The following LIG4 variants were observed in gnomAD, a reference collection of about 807,000 sequenced individuals.
The protein encoded by LIG4 is DNA joinase.
In LIG4, 13 loss-of-function variants were observed where a neutral mutation model predicts 19.0. The ratio of observed to expected loss-of-function variants is 0.68; its 90% CI spans 0.44 to 1.09. The LOEUF is 1.09. LIG4 is among the 50% of genes least tolerant of loss of function. LIG4 has a pLI of 0.00. For synonymous variants in LIG4, 361 were observed against 358.2 expected (o/e 1.01, Z -0.09); for missense variants, 1,026 against 1,089.7 (o/e 0.94, Z 0.82).
At chr13:108,215,604 A>T (rs1879238151), upstream of LIG4, 1 of 150,970 alleles carries the variant, frequency 6.6e-6, no homozygotes, top group African/African-American at 2.4e-5. Flanking sequence ...CACCGGGCTC[A>T]AGCACGCCGG....
chr13:108,209,069 T>G lies in LIG4; in HGVS notation c.2200A>C (p.Ser734Arg). ...AWLLECFKTKSFVPWQPRFMI... is the reference protein window; with the variant it reads ...AWLLECFKTKRFVPWQPRFMI... Reference sequence around the variant, plus strand: ...AAGCGAGGCTGCCATGGTACAAAGCTTTTGGTCTTAAAACATTCTAAAAGC... The same window carrying G: ...AAGCGAGGCTGCCATGGTACAAAGCGTTTGGTCTTAAAACATTCTAAAAGC... The change falls in exon 3 of 3, where the codon AGC becomes CGC. Residue 734 changes from serine (S) to arginine (R), a missense_variant. Ser to Arg is a moderately radical substitution (Grantham distance 110). Transcript: ENST00000442234. 1.2e-6 allele frequency: 2 copies of G among 1,614,184 alleles called. No individual in the cohort carries two copies. Among genetic ancestry groups the G allele is most frequent in the South Asian group, 2.2e-5 (2 of 91,086 alleles).
Position 108,208,808 on chromosome 13 carries a change from C to G in LIG4, c.2461G>C (p.Asp821His). 6.2e-7 allele frequency: 1 copy of G among 1,614,084 alleles called. No individual in the cohort carries two copies. Among genetic ancestry groups the G allele is most frequent in the South Asian group, 1.1e-5 (1 of 91,074 alleles). ...AGGTCATTAATAACAGCATACGAGT[C>G]CAAATAAACGGTGTGGCGTCGAAAC... ...SMFRRHTVYLDSYAVINDLST... is the reference protein window; with the variant it reads ...SMFRRHTVYLHSYAVINDLST... Residue 821 changes from aspartate to histidine, a missense_variant, in exon 3 of 3, where the codon GAC becomes CAC. Coordinates refer to ENST00000442234, the MANE Select transcript of LIG4 (RefSeq NM_206937.2).
At chr13:108,216,733 T>C (rs1458795511), upstream of LIG4, among the ~76,000 whole-genome samples, 1 of 152,216 alleles carries the variant, frequency 6.6e-6, no homozygotes, top group African/African-American at 2.4e-5. Context: ...CCTATCCGTG[T>C]ACATTTGTAG....
Position 108,210,123 on chromosome 13 carries a change from C to A in LIG4, c.1146G>T (p.Leu382=). Residue 382 remains leucine (L), a synonymous_variant, in exon 3 of 3, where the codon CTG becomes CTT. Coordinates refer to ENST00000442234, the MANE Select transcript of LIG4 (RefSeq NM_206937.2). ...TACTAAGAATCTCATACCTCTTTCTCAGAGTCTCATGCCCTAGCTTTTTAT... is the reference window on the plus strand; with the variant it reads ...TACTAAGAATCTCATACCTCTTTCTAAGAGTCTCATGCCCTAGCTTTTTAT... ...VNNKKLGHET[L]RKRYEILSSI... is the part of the protein sequence containing the mutation. 6.2e-7 allele frequency: 1 copy of A among 1,613,738 alleles called. No homozygotes were observed. Among genetic ancestry groups the A allele is most frequent in the Middle Eastern group, 1.6e-4 (1 of 6,062 alleles).
Position 108,207,449 on chromosome 13 carries a change from A to C in LIG4, c.*1084T>G, listed in dbSNP as rs1009284397. 1 of 152,104 alleles carries C rather than the reference A, an allele frequency of 6.6e-6. No individual in the cohort carries two copies. The highest frequency in any genetic ancestry group is 1.5e-5 in the Non-Finnish European group (1 of 68,014). 9.4% of individuals were successfully genotyped at this position (152,104 alleles called of 1,614,324 possible). On this transcript the variant is annotated 3_prime_UTR_variant, in exon 3 of 3. Coordinates refer to ENST00000442234, the MANE Select transcript of LIG4 (RefSeq NM_206937.2). ...ATAGAACATAAGAAATTATTTTAATAGTGCATTAAATATTTTATTTAAATT... is the reference window on the plus strand; with the variant it reads ...ATAGAACATAAGAAATTATTTTAATCGTGCATTAAATATTTTATTTAAATT...
rs1012812470 is a variant in LIG4, at chr13:108,210,410, C to T, written c.859G>A (p.Val287Ile). 2 of 1,613,594 alleles carry T rather than the reference C, an allele frequency of 1.2e-6. No individual in the cohort carries two copies. The highest frequency in any genetic ancestry group is 3.3e-5 in the Admixed American group (2 of 60,016). Reference protein sequence around the residue: ...ERMQMHKDGDVYKYFSRNGYN... With the variant: ...ERMQMHKDGDIYKYFSRNGYN... ...CCATTTCGAGAGAAGTATTTATATA[C>T]ATCTCCATCTTTGTGCATTTGCATA... Residue 287 changes from valine to isoleucine, a missense_variant, in exon 3 of 3, where the codon GTA becomes ATA. By Grantham distance (29) the Val-to-Ile change is conservative. Transcript: ENST00000442234.
intron 2 of LIG4, among the ~76,000 whole-genome samples, chr13:108,212,415 T>C (rs186027474): frequency 5.3e-4 from 81 of 152,274 alleles, no homozygotes; most frequent in African/African-American, 1.9e-3. Flanking sequence ...GTTTTAAATA[T>C]TCATACAAGT....
At chr13:108,213,761 A>G (rs1393363771) in intron 2 of LIG4, among the ~76,000 whole-genome samples, 1 of 152,236 alleles carries the variant, frequency 6.6e-6, no homozygotes, top group Admixed American at 6.5e-5. Context: ...ATACTGGGCA[A>G]TTACTTAATT....
chr13:108,211,194 T>C lies in LIG4; in HGVS notation c.75A>G (p.Arg25=). The C allele has an allele frequency of 6.2e-7, 1 of 1,613,506 alleles. No homozygotes were observed. Residue 25 remains arginine (R), a synonymous_variant, in exon 3 of 3, where the codon CGA becomes CGG. Coordinates refer to ENST00000442234, the MANE Select transcript of LIG4 (RefSeq NM_206937.2). The part of the protein sequence containing the change: ...PFADLCSTLE[R]IQKSKGRAEK... The stretch of plus-strand genomic sequence containing the variant: ...CTGCACGTCCTTTACTTTTCTGTAT[T>C]CGTTCTAAAGTTGAACACAAATCTG...
chr13:108,214,072 T>C (rs1390940344), intron 2 of LIG4, among the ~76,000 whole-genome samples: 1 of 152,186 alleles, frequency 6.6e-6, no homozygotes, highest in African/African-American at 2.4e-5. Context: ...TCTGACTAAA[T>C]TGTCCTGAAG....
intron 2 of LIG4, among the ~76,000 whole-genome samples, chr13:108,213,657 TAAG>T (rs931215065): frequency 3.9e-5 from 6 of 152,246 alleles, no homozygotes; most frequent in African/African-American, 1.4e-4. Flanking sequence ...CCATTTGCAG[TAAG>T]ACAAATGAGG....
upstream of LIG4, among the ~76,000 whole-genome samples, chr13:108,216,505 C>T (rs1005405684): frequency 3.9e-5 from 6 of 152,276 alleles, no homozygotes; most frequent in African/African-American, 7.2e-5. Context: ...TAGTTTGTAG[C>T]GGAGGTTCCG....
rs757002844 is a variant in LIG4 at position 108,209,514 on chromosome 13, T to C, written c.1755A>G (p.Arg585=). 6.2e-6 allele frequency: 10 copies of C among 1,614,136 alleles called. No homozygotes were observed. The South Asian group carries it at 7.7e-5, about 12-fold the overall frequency. The part of the protein sequence containing the change: ...TLRFPRIEKI[R]DDKEWHECMT... ...TGCACTCATGCCACTCCTTGTCATCTCTTATCTTTTCAATTCGTGGAAAAC... is the reference window on the plus strand; with the variant it reads ...TGCACTCATGCCACTCCTTGTCATCCCTTATCTTTTCAATTCGTGGAAAAC... Residue 585 remains arginine (R), a synonymous_variant, in exon 3 of 3, where the codon AGA becomes AGG. Transcript: ENST00000442234.
At chr13:108,212,636 T>C (rs1878787874) in intron 2 of LIG4, among the ~76,000 whole-genome samples, 1 of 151,602 alleles carries the variant, frequency 6.6e-6, no homozygotes, top group South Asian at 2.1e-4. Flanking sequence ...GGGAGATCTA[T>C]TACAGTGCAG....
chr13:108,211,368 A>T, intron 2 of LIG4, 72 bp from the exon 3 acceptor site: 1 of 869,758 alleles, frequency 1.1e-6, no homozygotes, highest in South Asian at 1.4e-5. Flanking sequence ...TAAAGATCTT[A>T]CAAAGATCAC....
In LIG4 at chr13:108,209,652, T is replaced by A. The variant is rs3742212; in HGVS notation, c.1617A>T (p.Leu539Phe). 126 of 1,614,190 alleles carry A rather than the reference T, an allele frequency of 7.8e-5. No individual in the cohort carries two copies. In the East Asian group the frequency reaches 2.1e-3, roughly 27 times the overall value. Residue 539 changes from leucine (L) to phenylalanine (F), a missense_variant, in exon 3 of 3, where the codon TTA becomes TTT. Leu to Phe is a conservative substitution (Grantham distance 22). Coordinates refer to ENST00000442234, the MANE Select transcript of LIG4 (RefSeq NM_206937.2). Reference protein sequence around the residue: ...FHRKAPPSSILCGTEKPEVYI... With the variant: ...FHRKAPPSSIFCGTEKPEVYI... Reference sequence around the variant, plus strand: ...ATACTTCTGGCTTCTCTGTTCCACATAAAATGCTGCTTGGTGGAGCTTTTC... The same window carrying A: ...ATACTTCTGGCTTCTCTGTTCCACAAAAAATGCTGCTTGGTGGAGCTTTTC...
chr13:108,215,538 C>A (rs1879228653), upstream of LIG4: 2 of 148,188 alleles, frequency 1.3e-5, no homozygotes, highest in Admixed American at 6.7e-5. Context: ...CCAGAAGATG[C>A]CGGTTCCGCC....
intron 2 of LIG4, among the ~76,000 whole-genome samples, chr13:108,211,600 T>C (rs181662367): frequency 1.5e-3 from 232 of 152,330 alleles, no homozygotes; most frequent in African/African-American, 5.0e-3. Flanking sequence ...GTATTAATTA[T>C]TTAGCACATA....
In LIG4 at chr13:108,208,833, C is replaced by T. The variant is rs762458069; in HGVS notation, c.2436G>A (p.Met812Ile). The T allele has an allele frequency of 1.2e-6, 2 of 1,614,036 alleles. No homozygotes were observed. Among genetic ancestry groups the T allele is most frequent in the East Asian group, 2.2e-5 (1 of 44,894 alleles). Residue 812 changes from methionine (M) to isoleucine (I), a missense_variant, in exon 3 of 3, where the codon ATG becomes ATA. Around this residue, in one of 3 missense-constraint regions of LIG4, gnomAD observed 521 missense variants for 515.5 expected, o/e 1.01. Coordinates refer to ENST00000442234, the MANE Select transcript of LIG4 (RefSeq NM_206937.2). Reference sequence around the variant, plus strand: ...CCAAATAAACGGTGTGGCGTCGAAACATACTGAGAGGAGAGCAATCCCAGG... The same window carrying T: ...CCAAATAAACGGTGTGGCGTCGAAATATACTGAGAGGAGAGCAATCCCAGG... ...RYSWDCSPLS[M>I]FRRHTVYLDS...
Sources: allele counts gnomAD v4.1 joint callset (sites outside exome capture counted in the v4.1 genomes callset), GRCh38; gene constraint gnomAD v4.1.1; regional missense constraint gnomAD v4.1.1; transcripts MANE v1.5; gene names NCBI Gene and HGNC (gene_info 2026-07-23, HGNC 2026-07-21).